LOC400499: variants seen among roughly 807,000 people sequenced by gnomAD.
the LOC400499 span, chr16:11,476,892 G>A: frequency 5.8e-5 from 23 of 399,336 alleles, no homozygotes; most frequent in Admixed American, 1.3e-4. Context: ...ACCTCAGCCC[G>A]GCCTGCCCCA....
the LOC400499 span, chr16:11,383,925 G>A: frequency 3.7e-5 from 45 of 1,231,754 alleles, no homozygotes; most frequent in East Asian, 5.4e-4. Context: ...GGGGGCCCTC[G>A]AAGAAGGCCC....
chr16:11,395,356 C>T, the LOC400499 span, among the ~76,000 whole-genome samples: 6 of 152,174 alleles, frequency 3.9e-5, no homozygotes, highest in African/African-American at 1.2e-4. Context: ...CCAAATAAAT[C>T]GGGGATAGGG....
At chr16:11,422,547 G>A in the LOC400499 span, among the ~76,000 whole-genome samples, 8 of 121,578 alleles carry the variant, frequency 6.6e-5, no homozygotes, top group East Asian at 5.5e-4. Flanking sequence ...TGCAGCAGGT[G>A]GCAAGGCCCC....
chr16:11,417,702 G>A, the LOC400499 span: 2 of 399,262 alleles, frequency 5.0e-6, no homozygotes, highest in East Asian at 3.6e-5. Flanking sequence ...CCTCACTGTT[G>A]TGCCAGCTCC....
At chr16:11,475,731 G>A in the LOC400499 span, 1 of 398,932 alleles carries the variant, frequency 2.5e-6, no homozygotes, top group Admixed American at 4.4e-5. Flanking sequence ...TGGGGAAAGA[G>A]GACAGTGTCA....
At chr16:11,425,854 T>G in the LOC400499 span, among the ~76,000 whole-genome samples, 1,539 of 152,240 alleles carry the variant, frequency 0.01, 12 homozygotes, top group Non-Finnish European at 0.015. Flanking sequence ...GTTTATGAAA[T>G]TGGCATAAAC....
chr16:11,449,213 CA>C, the LOC400499 span: 4 of 1,029,658 alleles, frequency 3.9e-6, no homozygotes, highest in Non-Finnish European at 5.2e-6. Flanking sequence ...CTTCATCCCT[CA>C]AAACCCCTTC....
At chr16:11,429,584 G>A in the LOC400499 span, among the ~76,000 whole-genome samples, 2 of 152,000 alleles carry the variant, frequency 1.3e-5, no homozygotes, top group South Asian at 2.1e-4. Flanking sequence ...AGTGATTCTC[G>A]TGCCTCAGCC....
chr16:11,438,199 C>G, the LOC400499 span, among the ~76,000 whole-genome samples: 4 of 152,190 alleles, frequency 2.6e-5, no homozygotes, highest in South Asian at 2.1e-4. Flanking sequence ...CAGACATCAG[C>G]TCCTGGAACA....
At chr16:11,522,565 C>A in the LOC400499 span, among the ~76,000 whole-genome samples, 1 of 152,154 alleles carries the variant, frequency 6.6e-6, no homozygotes, top group Non-Finnish European at 1.5e-5. Context: ...CACAATCACC[C>A]CAGTTGAGAA....
the LOC400499 span, among the ~76,000 whole-genome samples, chr16:11,397,892 T>TGGATGGAAGATAGGAAGGA: frequency 6.6e-6 from 1 of 151,214 alleles, no homozygotes; most frequent in Non-Finnish European, 1.5e-5. Flanking sequence ...TATACGGGGA[T>TGGATGGAAGATAGGAAGGA]GGATGGAAGA....
chr16:11,520,429 G>C, the LOC400499 span, among the ~76,000 whole-genome samples: 2 of 152,146 alleles, frequency 1.3e-5, no homozygotes, highest in Non-Finnish European at 2.9e-5. Context: ...GGCCGAGGTG[G>C]GCAGATCACT....
At chr16:11,432,210 G>A in the LOC400499 span, among the ~76,000 whole-genome samples, 1 of 152,254 alleles carries the variant, frequency 6.6e-6, no homozygotes, top group Admixed American at 6.5e-5. Context: ...AAGAGTCCCA[G>A]AGAATGACCC....
chr16:11,485,548 G>A, the LOC400499 span, among the ~76,000 whole-genome samples: 10 of 152,084 alleles, frequency 6.6e-5, no homozygotes, highest in Non-Finnish European at 1.2e-4. Context: ...TGTCCCTCCC[G>A]TCTTCCATCT....
At chr16:11,447,243 G>A in the LOC400499 span, among the ~76,000 whole-genome samples, 4 of 152,194 alleles carry the variant, frequency 2.6e-5, no homozygotes, top group Non-Finnish European at 4.4e-5. Flanking sequence ...CTAGCTGTGT[G>A]ACCTTGGGAA....
At chr16:11,464,492 A>G in the LOC400499 span, among the ~76,000 whole-genome samples, 1 of 152,228 alleles carries the variant, frequency 6.6e-6, no homozygotes, top group African/African-American at 2.4e-5. Context: ...GCAACCCACG[A>G]CCCAACCCCT....
chr16:11,400,893 G>A, the LOC400499 span, among the ~76,000 whole-genome samples: 6 of 152,080 alleles, frequency 3.9e-5, no homozygotes, highest in African/African-American at 1.4e-4. Context: ...TCAGAGAGGC[G>A]ATAGGACACA....
the LOC400499 span, among the ~76,000 whole-genome samples, chr16:11,420,975 G>C: frequency 2.6e-5 from 4 of 152,190 alleles, no homozygotes; most frequent in African/African-American, 4.8e-5. Flanking sequence ...GCCCAGGGCT[G>C]GACTTGTCCT....
At chr16:11,511,972 C>G in the LOC400499 span, among the ~76,000 whole-genome samples, 74,551 of 151,870 alleles carry the variant, frequency 0.49, 19,852 homozygotes, top group Admixed American at 0.62. Flanking sequence ...GCATTCCAGC[C>G]TGGGCGACAG....
Sources: allele counts gnomAD v4.1 joint callset (sites outside exome capture counted in the v4.1 genomes callset), GRCh38; gene constraint gnomAD v4.1.1; transcripts MANE v1.5.